Variants in COL4A3 observed in about 807,000 individuals in gnomAD.
The protein encoded by COL4A3 is collagen type IV alpha 3 chain, also known as collagen alpha-3(IV) chain.
A neutral mutation model predicts 217.4 loss-of-function variants in COL4A3; 135 were observed. The observed-to-expected ratio is 0.62, with a 90% confidence interval of 0.54 to 0.72. COL4A3 has a LOEUF of 0.72. Among genes scored for constraint, COL4A3 ranks in the 30% least tolerant of loss-of-function variants. COL4A3 has a pLI of 0.00. For missense variants in COL4A3, 1,868 were observed against 2,119.9 expected, an observed-to-expected ratio of 0.88 and a Z score of 2.33; for synonymous variants, 690 against 736.3, an observed-to-expected ratio of 0.94 and a Z score of 1.02.
chr2:227,263,595 G>A (rs546867216), intron 20 of COL4A3, among the ~76,000 whole-genome samples, 185 bp from the exon 21 acceptor site: 1 of 152,222 alleles, frequency 6.6e-6, no homozygotes, highest in South Asian at 2.1e-4. Context: ...TCACTGTACT[G>A]TGGTTATTTA....
chr2:227,199,221 C>T (rs910369111), intron 1 of COL4A3, among the ~76,000 whole-genome samples: 5 of 152,204 alleles, frequency 3.3e-5, no homozygotes, highest in East Asian at 1.9e-4. Context: ...CACTTTCTTC[C>T]GGAGGATTTA....
intron 36 of COL4A3, 112 bp downstream of exon 36, chr2:227,290,200 A>G: frequency 9.3e-7 from 1 of 1,076,664 alleles, no homozygotes; most frequent in Non-Finnish European, 1.4e-6. Flanking sequence ...CTTATATTAA[A>G]AAACTAGATT....
chr2:227,276,131 T>C (rs1212090768), intron 26 of COL4A3, among the ~76,000 whole-genome samples: 1 of 152,206 alleles, frequency 6.6e-6, no homozygotes, highest in Non-Finnish European at 1.5e-5. Flanking sequence ...CATCTGTGAG[T>C]TATCTCAGAG....
chr2:227,195,124 A>G (rs1035164261), intron 1 of COL4A3, among the ~76,000 whole-genome samples: 2 of 152,192 alleles, frequency 1.3e-5, no homozygotes, highest in Admixed American at 6.5e-5. Context: ...AGGCTATTCA[A>G]CAGTTCGGTG....
intron 1 of COL4A3, among the ~76,000 whole-genome samples, chr2:227,231,758 C>T (rs1442661202): frequency 6.6e-6 from 1 of 152,182 alleles, no homozygotes. Flanking sequence ...TCTCGAACTC[C>T]GGATCTCAAG....
At chr2:227,278,219 GA>G (rs1018710022) in intron 28 of COL4A3, among the ~76,000 whole-genome samples, 3 of 151,426 alleles carry the variant, frequency 2.0e-5, no homozygotes, top group Non-Finnish European at 2.9e-5. Context: ...TTCCTTTAGG[GA>G]AAAAAATGCT....
intron 1 of COL4A3, among the ~76,000 whole-genome samples, chr2:227,186,382 G>A (rs763056329): frequency 6.6e-6 from 1 of 152,134 alleles, no homozygotes; most frequent in Non-Finnish European, 1.5e-5. Flanking sequence ...GGAATTAAGG[G>A]GAGACTCTGC....
intron 43 of COL4A3, 103 bp downstream of exon 43, chr2:227,298,915 A>G: frequency 2.7e-6 from 3 of 1,121,190 alleles, no homozygotes; most frequent in Non-Finnish European, 3.8e-6. Context: ...TAACTGTATT[A>G]GTCCATTCTC....
chr2:227,175,170 G>T (rs549031150), intron 1 of COL4A3, among the ~76,000 whole-genome samples: 1 of 152,180 alleles, frequency 6.6e-6, no homozygotes, highest in Admixed American at 6.5e-5. Context: ...CCACTTCTGG[G>T]TTGTCAAAGA....
intron 11 of COL4A3, among the ~76,000 whole-genome samples, chr2:227,251,982 T>A (rs897108224): frequency 7.0e-6 from 1 of 142,116 alleles, no homozygotes. Flanking sequence ...GGCAGGAAAA[T>A]CGCTTGAACC....
At chr2:227,179,338 T>C (rs1411579725) in intron 1 of COL4A3, among the ~76,000 whole-genome samples, 1 of 152,164 alleles carries the variant, frequency 6.6e-6, no homozygotes, top group Non-Finnish European at 1.5e-5. Flanking sequence ...TTAAGTAATA[T>C]ATGAGATAAA....
intron 9 of COL4A3, among the ~76,000 whole-genome samples, chr2:227,249,550 AT>A (rs2069609287): frequency 1.3e-5 from 2 of 151,906 alleles, no homozygotes; most frequent in East Asian, 3.9e-4. Flanking sequence ...AACCAGAATT[AT>A]TTTAACTTAG....
chr2:227,165,683 T>C (rs972681361), intron 1 of COL4A3, among the ~76,000 whole-genome samples: 4 of 152,234 alleles, frequency 2.6e-5, no homozygotes, highest in Admixed American at 1.3e-4. Context: ...GATGAGCAGA[T>C]GTTTTTACAA....
At chr2:227,295,971 T>C (rs1031026325) in intron 41 of COL4A3, among the ~76,000 whole-genome samples, 1 of 152,238 alleles carries the variant, frequency 6.6e-6, no homozygotes, top group Admixed American at 6.5e-5. Flanking sequence ...TGTTTGCACA[T>C]TTCATTGACC....
intron 19 of COL4A3, 113 bp downstream of exon 19, chr2:227,259,990 ATC>A (rs1365698043): frequency 6.2e-6 from 5 of 807,694 alleles, no homozygotes; most frequent in Admixed American, 3.4e-5. Flanking sequence ...GGGAACAGAG[ATC>A]TCTTCATTTT....
intron 30 of COL4A3, 147 bp from the exon 31 acceptor site, chr2:227,280,746 T>G (rs2071904597): frequency 9.2e-7 from 1 of 1,085,870 alleles, no homozygotes; most frequent in African/African-American, 1.6e-5. Context: ...TCTTTTTTAA[T>G]GAGTGCCCTC....
intron 37 of COL4A3, among the ~76,000 whole-genome samples, chr2:227,292,413 A>C (rs189712258): frequency 3.4e-4 from 52 of 152,348 alleles, no homozygotes; most frequent in African/African-American, 9.6e-4. Context: ...ACACTCAATT[A>C]ACTGATAGTT....
At position 227,314,393 on chromosome 2, in the gene COL4A3, T is replaced by A. The variant is rs2073836582; in HGVS notation, c.*2523T>A. 6.6e-6 allele frequency: 1 copy of A among 152,668 alleles called. No individual in the cohort carries two copies. Among genetic ancestry groups the A allele is most frequent in the Non-Finnish European group, 1.5e-5 (1 of 68,042 alleles). 9.5% of individuals were successfully genotyped at this position (152,668 alleles called of 1,614,324 possible). ...TTAGCTTATGAGTAGCTTATACAAT[T>A]ATGAAGATTTAATATTACAGATAAA... On this transcript the variant is annotated 3_prime_UTR_variant, in exon 52 of 52. Transcript: ENST00000396578.
chr2:227,257,649 G>C lies in COL4A3; in HGVS notation c.1029+5G>C. 6.2e-7 allele frequency: 1 copy of C among 1,613,180 alleles called. No homozygotes were observed. The highest frequency in any genetic ancestry group is 8.5e-7 in the Non-Finnish European group (1 of 1,179,116). On this transcript the variant is annotated splice_donor_5th_base_variant and intron_variant, in intron 18 of 51. Transcript: ENST00000396578. ...CCTCCAGGATTTCGTGGTCCAGTAA[G>C]TGTGATTAAAGACAATATCAATGCT...
Sources: allele counts gnomAD v4.1 joint callset (sites outside exome capture counted in the v4.1 genomes callset), GRCh38; gene constraint gnomAD v4.1.1; transcripts MANE v1.5; gene names NCBI Gene and HGNC (gene_info 2026-07-23, HGNC 2026-07-21).